Variants in AMOTL1 observed in about 807,000 individuals in gnomAD.
AMOTL1 encodes angiomotin-like protein 1.
AMOTL1 carries 45 observed loss-of-function variants against 102.9 expected under a neutral mutation model. The observed-to-expected ratio is 0.44, with a 90% CI of 0.34 to 0.56. The LOEUF is 0.56. Ranked by LOEUF, AMOTL1 falls within the 20% of genes least tolerant of loss-of-function variation. The pLI is 0.01. For synonymous variants in AMOTL1, 481 were observed against 484.7 expected (o/e 0.99, Z 0.10); for missense variants, 1,114 against 1,225.6 (o/e 0.91, Z 1.36).
intron 3 of AMOTL1, 132 bp downstream of exon 3, chr11:94,800,443 C>A: frequency 9.6e-7 from 1 of 1,040,052 alleles, no homozygotes; most frequent in Non-Finnish European, 1.4e-6. Context: ...ATTTAATAAA[C>A]CACTTTGTGG....
intron 1 of AMOTL1, among the ~76,000 whole-genome samples, chr11:94,709,328 T>C (rs896237052): frequency 7.2e-5 from 11 of 151,844 alleles, no homozygotes; most frequent in African/African-American, 2.7e-4. Context: ...CCAACTACCA[T>C]GTAGAGTCAT....
At chr11:94,870,389 C>T (rs552187750) in intron 12 of AMOTL1, among the ~76,000 whole-genome samples, 27 of 152,332 alleles carry the variant, frequency 1.8e-4, no homozygotes, top group African/African-American at 6.3e-4. Flanking sequence ...GTCAAAAGTG[C>T]CTAGCTCAGA....
chr11:94,860,918 G>C (rs1377025585), intron 9 of AMOTL1, among the ~76,000 whole-genome samples: 1 of 152,164 alleles, frequency 6.6e-6, no homozygotes, highest in East Asian at 1.9e-4. Context: ...GGACTCTCAG[G>C]CTCATTATCG....
chr11:94,868,091 C>G (rs868252643), intron 11 of AMOTL1, among the ~76,000 whole-genome samples: 4 of 152,218 alleles, frequency 2.6e-5, no homozygotes, highest in Middle Eastern at 3.2e-3. Flanking sequence ...CTTAGAAATA[C>G]AGAATCCCAG....
chr11:94,870,460 C>T (rs1235905346), intron 12 of AMOTL1, among the ~76,000 whole-genome samples: 1 of 151,764 alleles, frequency 6.6e-6, no homozygotes, highest in African/African-American at 2.4e-5. Flanking sequence ...GTCCCACTGT[C>T]ATCCTCACCT....
intron 2 of AMOTL1, among the ~76,000 whole-genome samples, chr11:94,738,914 G>T (rs1046235437): frequency 3.2e-4 from 48 of 152,298 alleles, no homozygotes; most frequent in African/African-American, 1.1e-3. Context: ...TGACAGCAGG[G>T]GGCTGGTGTG....
intron 1 of AMOTL1, among the ~76,000 whole-genome samples, chr11:94,790,181 C>T (rs752619102): frequency 3.9e-5 from 6 of 152,096 alleles, no homozygotes; most frequent in African/African-American, 2.4e-5. Context: ...CAGAGAATAC[C>T]GCCATGTTCT....
At chr11:94,713,307 G>A (rs1179668107) in intron 1 of AMOTL1, among the ~76,000 whole-genome samples, 3 of 151,866 alleles carry the variant, frequency 2.0e-5, no homozygotes, top group Admixed American at 6.6e-5. Context: ...AATACACTAG[G>A]TAGAGTTCTT....
chr11:94,752,537 G>A (rs1015900829), intron 3 of AMOTL1, among the ~76,000 whole-genome samples: 2 of 152,182 alleles, frequency 1.3e-5, no homozygotes, highest in Admixed American at 1.3e-4. Context: ...CATATGTGTG[G>A]TTATGTTAAT....
chr11:94,807,242 T>C (rs1016974287), intron 3 of AMOTL1, among the ~76,000 whole-genome samples: 3 of 152,180 alleles, frequency 2.0e-5, no homozygotes, highest in African/African-American at 7.2e-5. Context: ...CTTCAAGGAC[T>C]AGAAAATTAT....
chr11:94,797,113 T>G, intron 2 of AMOTL1: 1 of 794,370 alleles, frequency 1.3e-6, no homozygotes, highest in Non-Finnish European at 1.5e-6. Flanking sequence ...AGAAAGATTG[T>G]TTTGGGAAAA....
intron 1 of AMOTL1, among the ~76,000 whole-genome samples, chr11:94,788,197 A>T (rs1255932824): frequency 6.6e-6 from 1 of 152,144 alleles, no homozygotes; most frequent in Non-Finnish European, 1.5e-5. Flanking sequence ...GTTCCCTAAC[A>T]TTGAAAGGAT....
chr11:94,842,597 A>G (rs1210754612), intron 6 of AMOTL1, among the ~76,000 whole-genome samples: 1 of 152,196 alleles, frequency 6.6e-6, no homozygotes, highest in Non-Finnish European at 1.5e-5. Context: ...ATTTTCCCAT[A>G]TTATCCATCT....
intron 1 of AMOTL1, among the ~76,000 whole-genome samples, chr11:94,721,386 T>A (rs1054524948): frequency 1.3e-5 from 2 of 152,192 alleles, no homozygotes; most frequent in Admixed American, 6.5e-5. Flanking sequence ...GTACTACTTT[T>A]TTTTTTTAAA....
At chr11:94,780,027 A>T (rs892775596) in intron 1 of AMOTL1, among the ~76,000 whole-genome samples, 1 of 152,246 alleles carries the variant, frequency 6.6e-6, no homozygotes, top group South Asian at 2.1e-4. Context: ...AAAGGAACAG[A>T]TCACTGCAAA....
At chr11:94,757,846 G>A (rs1459576002) in intron 3 of AMOTL1, among the ~76,000 whole-genome samples, 5 of 152,218 alleles carry the variant, frequency 3.3e-5, no homozygotes, top group African/African-American at 4.8e-5. Flanking sequence ...TGGATCACCT[G>A]AGGTCAGGAG....
rs1387872661 is a variant in AMOTL1 at position 94,871,566 on chromosome 11, G to A, written c.*771G>A. ...AGAATTCCTTAGGTATGGGATTTATGAGACCAGTACCTGAACTGTCATCAT... is the reference window on the plus strand; with the variant it reads ...AGAATTCCTTAGGTATGGGATTTATAAGACCAGTACCTGAACTGTCATCAT... On this transcript the variant is annotated 3_prime_UTR_variant, in exon 13 of 13. Transcript: ENST00000433060. 1 of 151,908 alleles carries A rather than the reference G, an allele frequency of 6.6e-6. No individual in the cohort carries two copies. Among genetic ancestry groups the A allele is most frequent in the Non-Finnish European group, 1.5e-5 (1 of 67,998 alleles). The allele number at this position is 151,908 out of a possible 1,614,324, so 9.4% of individuals were successfully genotyped here. A position where few individuals can be genotyped will look rare whatever the true frequency, so the allele number is the denominator to read the frequency against.
chr11:94,772,623 A>G (rs995942996), intron 1 of AMOTL1, among the ~76,000 whole-genome samples: 7 of 152,306 alleles, frequency 4.6e-5, no homozygotes, highest in Admixed American at 1.3e-4. Flanking sequence ...CCATTCACCT[A>G]TGGGTTTTTT....
At chr11:94,726,730 T>C (rs990977095) in intron 1 of AMOTL1, among the ~76,000 whole-genome samples, 1 of 152,170 alleles carries the variant, frequency 6.6e-6, no homozygotes, top group African/African-American at 2.4e-5. Flanking sequence ...AGTAAGTTAT[T>C]TTATATGGCC....
Sources: allele counts gnomAD v4.1 joint callset (sites outside exome capture counted in the v4.1 genomes callset), GRCh38; gene constraint gnomAD v4.1.1; transcripts MANE v1.5; gene names NCBI Gene and HGNC (gene_info 2026-07-23, HGNC 2026-07-21).